Variants in DHX37 observed in about 807,000 individuals in gnomAD.
DHX37 encodes DEAH-box helicase 37.
A neutral mutation model predicts 134.3 loss-of-function variants in DHX37; 52 were observed. The ratio of observed to expected loss-of-function variants is 0.39; its 90% CI spans 0.31 to 0.49. The LOEUF (loss-of-function observed/expected upper bound fraction) is 0.49, where lower values mean the gene tolerates loss of function less well. Among genes scored for constraint, DHX37 ranks in the 20% least tolerant of loss-of-function variants. The pLI is 0.93. For missense variants in DHX37, 1,344 were observed against 1,580.8 expected (o/e 0.85, Z 2.54); for synonymous variants, 634 against 670.7 (o/e 0.95, Z 0.85).
At chr12:124,986,953 G>A (rs1954884488) in intron 1 of DHX37, among the ~76,000 whole-genome samples, 2 of 151,946 alleles carry the variant, frequency 1.3e-5, no homozygotes, top group South Asian at 4.2e-4. Context: ...TACCATCTTA[G>A]CCAGGCGGTC....
chr12:124,981,011 C>T (rs1345682139), intron 3 of DHX37, among the ~76,000 whole-genome samples, 173 bp from the exon 4 acceptor site: 6 of 152,122 alleles, frequency 3.9e-5, no homozygotes, highest in Non-Finnish European at 8.8e-5. Flanking sequence ...TGCTTAAGCA[C>T]TAGCTGTCAG....
intron 16 of DHX37, 65 bp downstream of exon 16, chr12:124,960,247 T>C (rs1954205438): frequency 1.9e-6 from 3 of 1,568,690 alleles, no homozygotes; most frequent in Non-Finnish European, 2.6e-6. Context: ...CTGGGCTCCC[T>C]GCCTCAGGGA....
intron 12 of DHX37, among the ~76,000 whole-genome samples, chr12:124,966,025 G>A (rs1954379651): frequency 1.3e-5 from 2 of 152,220 alleles, no homozygotes; most frequent in African/African-American, 4.8e-5. Flanking sequence ...AGGCTGGTGG[G>A]AGGGTTGTGT....
chr12:124,965,661 G>T lies in DHX37; in HGVS notation c.1735+7C>A, dbSNP rs1232046819. The T allele has an allele frequency of 6.2e-7, 1 of 1,601,538 alleles. No homozygotes were observed. The highest frequency in any genetic ancestry group is 1.3e-5 in the African/African-American group (1 of 74,924). On this transcript the variant is annotated splice_region_variant and intron_variant, in intron 13 of 26. Transcript: ENST00000308736. ...AACATGAGCAGGAATCGGTGCTCGG[G>T]CCACACCTCCATCTTGCCCGCCATC... is the stretch of plus-strand genomic sequence containing the variant.
In DHX37 at chr12:124,988,952, G is replaced by C. The variant is rs747848684; in HGVS notation, c.71C>G (p.Pro24Arg). 1 of 1,342,564 alleles carries C rather than the reference G, an allele frequency of 7.4e-7. No individual in the cohort carries two copies. Among genetic ancestry groups the C allele is most frequent in the Non-Finnish European group, 9.6e-7 (1 of 1,037,872 alleles). 83.2% of individuals were successfully genotyped at this position (1,342,564 alleles called of 1,614,324 possible). Residue 24 changes from proline (P) to arginine (R), a missense_variant, in exon 1 of 27, where the codon CCC (proline) becomes CGC (arginine). Pro to Arg is a moderately radical substitution (Grantham distance 103, BLOSUM62 -2). Transcript: ENST00000308736. ...QQAGPGPSKGPPEPPPVQLEL... is the reference protein window; with the variant it reads ...QQAGPGPSKGRPEPPPVQLEL... ...CAGCTGCACGGGGGGCGGCTCGGGGGGGCCCTTCGAGGGTCCGGGGCCCGC... is the reference window on the plus strand; with the variant it reads ...CAGCTGCACGGGGGGCGGCTCGGGGCGGCCCTTCGAGGGTCCGGGGCCCGC...
At chr12:124,967,016 G>A (rs1311545516) in intron 11 of DHX37, 107 bp downstream of exon 11, 25 of 1,525,172 alleles carry the variant, frequency 1.6e-5, no homozygotes, top group East Asian at 9.0e-5. Context: ...CAAAGGTGCT[G>A]ATGCTTCCAG....
intron 6 of DHX37, among the ~76,000 whole-genome samples, chr12:124,974,779 T>C (rs952088717): frequency 1.5e-5 from 2 of 137,640 alleles, no homozygotes; most frequent in African/African-American, 5.3e-5. Context: ...CGCCTGAAGA[T>C]TTTTTTTTTT....
At chr12:124,957,204 C>G in intron 16 of DHX37, 69 bp from the exon 17 acceptor site, 1 of 1,358,480 alleles carries the variant, frequency 7.4e-7, no homozygotes. Context: ...CCTGCTCCGT[C>G]TGTGGCAGGC....
chr12:124,952,322 A>T (rs1269503969), intron 21 of DHX37, 76 bp downstream of exon 21: 2 of 1,464,364 alleles, frequency 1.4e-6, no homozygotes, highest in African/African-American at 2.8e-5. Flanking sequence ...GCCTCCCCAG[A>T]CCCTGAGGGC....
chr12:124,964,195 CAAAAAAAAAAA>C (rs397692928), intron 15 of DHX37, among the ~76,000 whole-genome samples, 188 bp downstream of exon 15: 2 of 57,464 alleles, frequency 3.5e-5, no homozygotes, highest in Non-Finnish European at 6.5e-5. Flanking sequence ...AACTCCATCT[CAAAAAAAAAAA>C]AAAAAAAAAA....
intron 1 of DHX37, among the ~76,000 whole-genome samples, chr12:124,987,491 C>T (rs1322079519): frequency 6.6e-6 from 1 of 152,168 alleles, no homozygotes; most frequent in Non-Finnish European, 1.5e-5. Context: ...AGACCTCAGC[C>T]CCTCTGCTCA....
In DHX37 at chr12:124,980,567, C is replaced by G; in HGVS notation, c.661G>C (p.Ala221Pro). ...PAGMTVPPPP[A>P]AAPPLPRALA... is the part of the protein sequence containing the mutation. The stretch of plus-strand genomic sequence containing the variant: ...GCCCTGGGCAGTGGTGGGGCTGCAG[C>G]TGGAGGAGGAGGAACAGTCATCCCA... The change falls in exon 4 of 27, where the codon GCT becomes CCT. Residue 221 changes from alanine to proline, a missense_variant. Around this residue, in one of 7 missense-constraint regions of DHX37, gnomAD observed 319 missense variants for 296.1 expected, o/e 1.08. Coordinates refer to ENST00000308736, the MANE Select transcript of DHX37 (RefSeq NM_032656.4). This position sits in a 1 kb window ranked among gnomAD's most constrained non-coding sequence, Gnocchi z 5.3. 1 of 1,611,816 alleles carries G rather than the reference C, an allele frequency of 6.2e-7. No homozygotes were observed. The highest frequency in any genetic ancestry group is 8.5e-7 in the Non-Finnish European group (1 of 1,179,824).
At chr12:124,968,826 G>A in intron 9 of DHX37, 41 bp downstream of exon 9, 1 of 1,611,840 alleles carries the variant, frequency 6.2e-7, no homozygotes, top group South Asian at 1.1e-5. Flanking sequence ...GGGCGTCCTT[G>A]TGCCATCCAA....
chr12:124,954,724 A>C (rs542678049), intron 18 of DHX37, among the ~76,000 whole-genome samples: 73 of 152,290 alleles, frequency 4.8e-4, no homozygotes, highest in African/African-American at 1.7e-3. Flanking sequence ...GTAATAAAAA[A>C]CTCTGCAAAC....
At chr12:124,969,129 G>A (rs1231158071) in intron 8 of DHX37, among the ~76,000 whole-genome samples, 161 bp from the exon 9 acceptor site, 2 of 152,134 alleles carry the variant, frequency 1.3e-5, no homozygotes, top group Admixed American at 1.3e-4. Context: ...TGAGTCAATA[G>A]TGGGACCTGC....
chr12:124,977,521 G>A (rs774096736), intron 4 of DHX37, 31 bp from the exon 5 acceptor site: 9 of 1,572,262 alleles, frequency 5.7e-6, no homozygotes, highest in Non-Finnish European at 6.0e-6. Context: ...CACTTAGGGA[G>A]CAGCAAGACT....
intron 4 of DHX37, among the ~76,000 whole-genome samples, chr12:124,977,872 G>A (rs1293844799): frequency 6.6e-6 from 1 of 152,188 alleles, no homozygotes; most frequent in Non-Finnish European, 1.5e-5. Context: ...ACATATTCCA[G>A]AGCAGGGGCT....
chr12:124,976,153 G>A (rs547855663), intron 5 of DHX37, among the ~76,000 whole-genome samples: 1 of 152,346 alleles, frequency 6.6e-6, no homozygotes, highest in East Asian at 1.9e-4. Flanking sequence ...TTCCTGTGTG[G>A]CCACAGGTGG....
rs747449936 is a variant in DHX37, at chr12:124,980,767, C to T, written c.461G>A (p.Arg154His). 2.1e-5 allele frequency: 32 copies of T among 1,556,550 alleles called. No individual in the cohort carries two copies. The highest frequency in any genetic ancestry group is 2.6e-5 in the Non-Finnish European group (30 of 1,152,994). ...CTCCTCCTCAGCTGAGGGCCAGCGG[C>T]GACGCTTCCGGTGGGCACCGCTGAG... ...SSLSGAHRKR[R>H]RWPSAEEEEE... The change falls in exon 4 of 27, where the codon CGC becomes CAC. Residue 154 changes from arginine to histidine, a missense_variant. Transcript: ENST00000308736. The surrounding 1 kb of genome is among the most constrained non-coding windows in gnomAD (Gnocchi z 5.3).
Sources: gnomAD v4.1 joint callset for allele counts (sites outside exome capture counted in the v4.1 genomes callset) on GRCh38, gnomAD v4.1.1 for gene constraint, gnomAD v4.1.1 regional missense constraint, Gnocchi (gnomAD v3.1) non-coding constraint, MANE v1.5 for transcripts, NCBI Gene and HGNC (gene_info 2026-07-23, HGNC 2026-07-21) for gene names.